Variants in NCAM1 observed in about 807,000 individuals in gnomAD.
NCAM1 encodes antigen recognized by monoclonal antibody 5.1H11.
A neutral mutation model predicts 109.8 loss-of-function variants in NCAM1; 14 were observed. The observed-to-expected ratio is 0.13, with a 90% confidence interval of 0.08 to 0.20. NCAM1 has a LOEUF of 0.20. Ranked by LOEUF, NCAM1 falls within the 10% of genes least tolerant of loss-of-function variation. The probability of loss-of-function intolerance (pLI) is 1.00; values close to 1 mark genes in which losing one functional copy is unlikely to be tolerated. For synonymous variants in NCAM1, 418 were observed against 442.9 expected (o/e 0.94, Z 0.70); for missense variants, 774 against 1,109.9 (o/e 0.70, Z 4.30).
intron 1 of NCAM1, among the ~76,000 whole-genome samples, chr11:113,183,518 A>C (rs1293999363): frequency 2.6e-5 from 4 of 152,212 alleles, no homozygotes; most frequent in Admixed American, 2.6e-4. Context: ...ACCAACTACA[A>C]GGCACTTTGA....
chr11:113,271,667 C>G (rs1030329057), intron 18 of NCAM1, 93 bp from the exon 19 acceptor site: 1 of 867,418 alleles, frequency 1.2e-6, no homozygotes, highest in Non-Finnish European at 1.8e-6. Flanking sequence ...GGATGCCCAC[C>G]GTGCCAGCCT....
chr11:113,042,478 C>T (rs1376539761), intron 1 of NCAM1, among the ~76,000 whole-genome samples: 3 of 152,228 alleles, frequency 2.0e-5, no homozygotes, highest in African/African-American at 7.2e-5. Context: ...GGCTTCTTCA[C>T]TTGTTCCCAG....
intron 1 of NCAM1, among the ~76,000 whole-genome samples, chr11:113,139,020 C>T (rs1941715266): frequency 6.6e-6 from 1 of 152,208 alleles, no homozygotes; most frequent in Non-Finnish European, 1.5e-5. Flanking sequence ...CAGCACTTCA[C>T]CATTGGGGAA....
intron 7 of NCAM1, among the ~76,000 whole-genome samples, chr11:113,209,754 G>C (rs1364726627): frequency 1.3e-5 from 2 of 152,230 alleles, no homozygotes; most frequent in Non-Finnish European, 2.9e-5. Flanking sequence ...AGCTAATGTA[G>C]ATAGTCAACG....
At chr11:113,170,914 G>C (rs1942968705) in intron 1 of NCAM1, among the ~76,000 whole-genome samples, 1 of 152,188 alleles carries the variant, frequency 6.6e-6, no homozygotes, top group African/African-American at 2.4e-5. Context: ...CTGAGCCGAT[G>C]TTGGTGTTGC....
intron 1 of NCAM1, among the ~76,000 whole-genome samples, chr11:113,149,575 C>T (rs1451308229): frequency 6.6e-6 from 1 of 151,186 alleles, no homozygotes; most frequent in Non-Finnish European, 1.5e-5. Flanking sequence ...ATGAGAAGTC[C>T]TCAAGATCTC....
chr11:113,277,948 C>T lies in NCAM1; in HGVS notation c.*2561C>T, dbSNP rs1316220501. ...TGTTTTATCTTTTATGTTAAGAGAT[C>T]AAAGCTTATAATTTTCTTTTTTAAT... On this transcript the variant is annotated 3_prime_UTR_variant, in exon 20 of 20. Coordinates refer to ENST00000316851, the MANE Select transcript of NCAM1 (RefSeq NM_181351.5). 3 of 143,694 alleles carry T rather than the reference C, an allele frequency of 2.1e-5. No homozygotes were observed. Among genetic ancestry groups the T allele is most frequent in the African/African-American group, 7.8e-5 (3 of 38,280 alleles). 8.9% of individuals were successfully genotyped at this position (143,694 alleles called of 1,614,324 possible).
At chr11:113,045,568 TAGAACACAC>T (rs1299247744) in intron 1 of NCAM1, among the ~76,000 whole-genome samples, 2 of 152,160 alleles carry the variant, frequency 1.3e-5, no homozygotes, top group African/African-American at 4.8e-5. Flanking sequence ...TGTAAAGCAA[TAGAACACAC>T]AGAACACACT....
rs782572181 is a variant in NCAM1, at chr11:113,271,885, G to T, written c.2456+9G>T. Reference sequence around the variant, plus strand: ...CCACTGACGGAGCCCGAGTACGTGGGCTGGGAGGGGCTGGCACCTGCTCCG... The same window carrying T: ...CCACTGACGGAGCCCGAGTACGTGGTCTGGGAGGGGCTGGCACCTGCTCCG... On this transcript the variant is annotated intron_variant, in intron 19 of 19. Coordinates refer to ENST00000316851, the MANE Select transcript of NCAM1 (RefSeq NM_181351.5). The T allele has an allele frequency of 1.3e-6, 2 of 1,549,206 alleles. No homozygotes were observed. Among genetic ancestry groups the T allele is most frequent in the African/African-American group, 1.4e-5 (1 of 72,966 alleles).
intron 1 of NCAM1, among the ~76,000 whole-genome samples, chr11:113,066,863 G>A (rs1937985137): frequency 1.3e-5 from 2 of 151,984 alleles, no homozygotes; most frequent in South Asian, 4.2e-4. Context: ...AATTAGCCAG[G>A]CATGGTGGCG....
Position 113,277,544 on chromosome 11 carries a change from T to C in NCAM1, c.*2157T>C. ...GGGCCCAGCAGTGAGGGGCAGGCTC[T>C]TCTGGTCACCAGGCTGTTCAGTGGA... On this transcript the variant is annotated 3_prime_UTR_variant, in exon 20 of 20. Transcript: ENST00000316851. The C allele has an allele frequency of 2.5e-6, 1 of 398,042 alleles. No homozygotes were observed. Among genetic ancestry groups the C allele is most frequent in the Non-Finnish European group, 4.4e-6 (1 of 225,958 alleles). The allele number at this position is 398,042 out of a possible 1,614,324, so 24.7% of individuals were successfully genotyped here. A position where few individuals can be genotyped will look rare whatever the true frequency, so the allele number is the denominator to read the frequency against.
chr11:113,199,849 A>G (rs943863869), intron 1 of NCAM1, among the ~76,000 whole-genome samples: 5 of 148,870 alleles, frequency 3.4e-5, no homozygotes, highest in Non-Finnish European at 7.5e-5. Flanking sequence ...AAAAAAAAAA[A>G]CTTCTGTGAT....
At chr11:113,113,621 G>A (rs1940547530) in intron 1 of NCAM1, among the ~76,000 whole-genome samples, 1 of 152,174 alleles carries the variant, frequency 6.6e-6, no homozygotes, top group East Asian at 1.9e-4. Context: ...TCTAGAGCCT[G>A]ATAGGGTGGA....
At chr11:113,201,827 T>TTA (rs1485622971) in intron 1 of NCAM1, among the ~76,000 whole-genome samples, 2 of 152,166 alleles carry the variant, frequency 1.3e-5, no homozygotes, top group Non-Finnish European at 2.9e-5. Context: ...AGGTGAGGGT[T>TTA]TACCCTTACC....
chr11:113,167,515 G>C (rs1011473433), intron 1 of NCAM1, among the ~76,000 whole-genome samples: 6 of 144,664 alleles, frequency 4.1e-5, no homozygotes, highest in Non-Finnish European at 6.0e-5. Context: ...TTTCTGAATG[G>C]CAGAAACGTG....
Position 113,237,437 on chromosome 11 carries a change from G to T in NCAM1, c.1825+2273G>T, listed in dbSNP as rs1232997997. Among the ~76,000 whole-genome samples, 5 of 152,214 alleles carry T rather than the reference G, an allele frequency of 3.3e-5. 1 individual carries two copies. Among genetic ancestry groups the T allele is most frequent in the Non-Finnish European group, 7.3e-5 (5 of 68,036 alleles). ...AGGTATTCTGAGATTTTGAGCAAGT[G>T]CCAAATGTCCTACCTCAGCAGAGTT... On this transcript the variant is annotated intron_variant, in intron 14 of 19. Coordinates refer to ENST00000316851, the MANE Select transcript of NCAM1 (RefSeq NM_181351.5).
At chr11:113,010,502 G>A (rs1423758323) in intron 1 of NCAM1, among the ~76,000 whole-genome samples, 1 of 152,090 alleles carries the variant, frequency 6.6e-6, no homozygotes, top group Non-Finnish European at 1.5e-5. Flanking sequence ...TGTTATTTAT[G>A]AGTCATATTC....
chr11:113,199,786 TAAAAA>T (rs1228708804), intron 1 of NCAM1, among the ~76,000 whole-genome samples: 2 of 52,364 alleles, frequency 3.8e-5, no homozygotes, highest in Non-Finnish European at 7.6e-5. Flanking sequence ...AGTATAATAA[TAAAAA>T]AAAGAATATT....
intron 5 of NCAM1, among the ~76,000 whole-genome samples, chr11:113,206,702 G>GT (rs1265470627): frequency 6.6e-6 from 1 of 152,120 alleles, no homozygotes; most frequent in Non-Finnish European, 1.5e-5. Flanking sequence ...GGGTTGAATT[G>GT]TTTTGACTAT....
Sources: gnomAD v4.1 joint callset for allele counts (sites outside exome capture counted in the v4.1 genomes callset) on GRCh38, gnomAD v4.1.1 for gene constraint, MANE v1.5 for transcripts, NCBI Gene and HGNC (gene_info 2026-07-23, HGNC 2026-07-21) for gene names.